REL: variants seen among roughly 807,000 people sequenced by gnomAD.
The protein encoded by REL is proto-oncogene c-Rel.
A neutral mutation model predicts 45.9 loss-of-function variants in REL; 15 were observed. The ratio of observed to expected loss-of-function variants is 0.33; its 90% CI spans 0.22 to 0.50. The LOEUF (loss-of-function observed/expected upper bound fraction) is 0.50. Ranked by LOEUF, REL falls within the 20% of genes least tolerant of loss-of-function variation. REL has a pLI of 0.98. For synonymous variants in REL, 239 were observed against 242.1 expected (o/e 0.99, Z 0.12); for missense variants, 601 against 715.2 (o/e 0.84, Z 1.82).
In REL at chr2:60,881,743, C is replaced by A; in HGVS notation, c.-98C>A. 1 of 1,150,500 alleles carries A rather than the reference C, an allele frequency of 8.7e-7. No individual in the cohort carries two copies. The highest frequency in any genetic ancestry group is 1.2e-6 in the Non-Finnish European group (1 of 810,562). 71.3% of individuals were successfully genotyped at this position (1,150,500 alleles called of 1,614,324 possible). ...AGGGTGGTCGGGGGACTGGGGGCCC[C>A]GCCGGCAGAGGTCCCTCGGCCTCCT... On this transcript the variant is annotated 5_prime_UTR_variant, in exon 1 of 10. Coordinates refer to ENST00000394479, the MANE Select transcript of REL (RefSeq NM_001291746.2).
chr2:60,882,140 G>C (rs1430697856), intron 1 of REL, among the ~76,000 whole-genome samples: 1 of 152,188 alleles, frequency 6.6e-6, no homozygotes, highest in African/African-American at 2.4e-5. Flanking sequence ...GGAGGACGAA[G>C]AGTTCTCATT....
intron 4 of REL, among the ~76,000 whole-genome samples, chr2:60,909,543 C>T (rs1033421244): frequency 2.6e-5 from 4 of 151,866 alleles, no homozygotes; most frequent in Non-Finnish European, 5.9e-5. Context: ...CCTCCTGCCT[C>T]GGTTTCCAAA....
Position 60,918,224 on chromosome 2 carries a change from G to T in REL, c.569G>T (p.Arg190Leu). ...APNTAELRIC[R>L]VNKNCGSVRG... ...AATACTGCAGAATTAAGGATTTGTC[G>T]TGTAAACAAGAATTGTGGAAGTGTC... The change falls in exon 6 of 10, where the codon CGT (arginine) becomes CTT (leucine). Residue 190 changes from arginine to leucine, a missense_variant. Transcript: ENST00000394479. The T allele has an allele frequency of 6.2e-7, 1 of 1,609,318 alleles. No individual in the cohort carries two copies. Among genetic ancestry groups the T allele is most frequent in the Non-Finnish European group, 8.5e-7 (1 of 1,177,404 alleles).
chr2:60,921,811 G>A lies in REL; in HGVS notation c.1040G>A (p.Gly347Glu), dbSNP rs760102706. Reference sequence around the variant, plus strand: ...GCAGTTGTGAGAGAAATGCCTACAGGGGTTTCAAGTCAAGCAGAATCCTAC... The same window carrying A: ...GCAGTTGTGAGAGAAATGCCTACAGAGGTTTCAAGTCAAGCAGAATCCTAC... Reference protein sequence around the residue: ...HDAVVREMPTGVSSQAESYYP... With the variant: ...HDAVVREMPTEVSSQAESYYP... Residue 347 changes from glycine (G) to glutamate (E), a missense_variant, in exon 10 of 10, where the codon GGG becomes GAG. Transcript: ENST00000394479. 7 of 1,613,938 alleles carry A rather than the reference G, an allele frequency of 4.3e-6. No individual in the cohort carries two copies. The Admixed American group carries it at 6.7e-5, about 15-fold the overall frequency.
chr2:60,905,340 C>G (rs561969372), intron 4 of REL, among the ~76,000 whole-genome samples: 1 of 152,048 alleles, frequency 6.6e-6, no homozygotes, highest in Admixed American at 6.5e-5. Flanking sequence ...GTGATCCGCC[C>G]GCCTCAGCCT....
Position 60,922,181 on chromosome 2 carries a change from C to T in REL, c.1410C>T (p.Ser470=), listed in dbSNP as rs1375377665. The part of the protein sequence containing the change: ...SNCSVNMMTT[S]SDSMGETDNP... The stretch of plus-strand genomic sequence containing the variant: ...GTTCTGTGAATATGATGACAACCAG[C>T]AGTGACAGCATGGGAGAGACTGATA... The change falls in exon 10 of 10, where the codon AGC becomes AGT. Residue 470 remains serine (S), a synonymous_variant. Coordinates refer to ENST00000394479, the MANE Select transcript of REL (RefSeq NM_001291746.2). 1.9e-6 allele frequency: 3 copies of T among 1,613,920 alleles called. No homozygotes were observed. In the East Asian group the frequency reaches 6.7e-5, roughly 36 times the overall value.
intron 4 of REL, among the ~76,000 whole-genome samples, chr2:60,903,602 C>T (rs371873141): frequency 2.6e-5 from 4 of 152,104 alleles, no homozygotes; most frequent in East Asian, 1.9e-4. Flanking sequence ...GTCACAATCT[C>T]GACTTGCTGC....
Position 60,925,386 on chromosome 2 carries a change from GA to G in REL, c.*2860del, listed in dbSNP as rs1553397029. The stretch of plus-strand genomic sequence containing the variant: ...ACTTGGGCTCAGGATGGTTCAGGAA[GA>G]AAAAAAAAGAAAGACCCCTGAGTAC... On this transcript the variant is annotated 3_prime_UTR_variant, in exon 10 of 10. Coordinates refer to ENST00000394479, the MANE Select transcript of REL (RefSeq NM_001291746.2). 1.1e-4 allele frequency: 20 copies of G among 185,294 alleles called. No individual in the cohort carries two copies. Among genetic ancestry groups the G allele is most frequent in the East Asian group, 3.4e-4 (4 of 11,830 alleles). The allele number at this position is 185,294 out of a possible 1,614,324, so 11.5% of individuals were successfully genotyped here. A position where few individuals can be genotyped will look rare whatever the true frequency, so the allele number is the denominator to read the frequency against.
chr2:60,904,067 A>G (rs1211535208), intron 4 of REL, among the ~76,000 whole-genome samples: 1 of 152,158 alleles, frequency 6.6e-6, no homozygotes, highest in Non-Finnish European at 1.5e-5. Context: ...TCCTTATAAC[A>G]GCCTACGAAA....
In REL at chr2:60,931,033, C is replaced by T. The variant is rs1018319869; in HGVS notation, c.*8498C>T. ...CATTTTTCCTCTTAAACTTTATTAT[C>T]TAATCAAACATAGTTTTCCATAAGA... is the stretch of plus-strand genomic sequence containing the variant. On this transcript the variant is annotated 3_prime_UTR_variant, in exon 10 of 10. Coordinates refer to ENST00000394479, the MANE Select transcript of REL (RefSeq NM_001291746.2). 1 of 152,400 alleles carries T rather than the reference C, an allele frequency of 6.6e-6. No individual in the cohort carries two copies. Among genetic ancestry groups the T allele is most frequent in the Middle Eastern group, 3.4e-3 (1 of 294 alleles). 9.4% of individuals were successfully genotyped at this position (152,400 alleles called of 1,614,324 possible).
At chr2:60,891,034 T>TC (rs1307504494) in intron 1 of REL, among the ~76,000 whole-genome samples, 1 of 152,214 alleles carries the variant, frequency 6.6e-6, no homozygotes. Context: ...TACTTTTTTT[T>TC]CTCTATTATG....
In REL at chr2:60,926,424, C is replaced by T. The variant is rs1674268825; in HGVS notation, c.*3889C>T. ...GCGGAGACTGCCCGCCTTGTCAAAT[C>T]TAGTGTCTTTTTTTCAGTCCTCACA... On this transcript the variant is annotated 3_prime_UTR_variant, in exon 10 of 10. Coordinates refer to ENST00000394479, the MANE Select transcript of REL (RefSeq NM_001291746.2). 4.3e-6 allele frequency: 1 copy of T among 232,006 alleles called. No homozygotes were observed. Among genetic ancestry groups the T allele is most frequent in the Admixed American group, 5.6e-5 (1 of 17,736 alleles). 14.4% of individuals were successfully genotyped at this position (232,006 alleles called of 1,614,324 possible).
At chr2:60,882,473 G>C (rs1672965664) in intron 1 of REL, among the ~76,000 whole-genome samples, 2 of 152,120 alleles carry the variant, frequency 1.3e-5, no homozygotes, top group Admixed American at 6.5e-5. Flanking sequence ...TCAGGAGTTT[G>C]AGACCAGCCT....
Position 60,920,592 on chromosome 2 carries a change from C to T in REL, c.941C>T (p.Pro314Leu). The T allele has an allele frequency of 6.2e-7, 1 of 1,601,928 alleles. No individual in the cohort carries two copies. The change falls in exon 9 of 10, where the codon CCA becomes CTA. Residue 314 changes from proline to leucine, a missense_variant. Pro to Leu is a moderately conservative substitution (Grantham distance 98). This residue lies in a region of REL where 334 missense variants were observed against 333.1 expected (regional missense o/e 1.00). Coordinates refer to ENST00000394479, the MANE Select transcript of REL (RefSeq NM_001291746.2). ...CQDHVNFPER[P>L]RPGLLGSIGE... ...CTAACAGTTAATTTTCCTGAGAGAC[C>T]AAGACCTGGTCTCCTCGGTTCAATT...
chr2:60,926,203 T>G lies in REL; in HGVS notation c.*3668T>G, dbSNP rs569077410. The G allele has an allele frequency of 4.3e-6, 1 of 230,916 alleles. No individual in the cohort carries two copies. The highest frequency in any genetic ancestry group is 1.8e-4 in the South Asian group (1 of 5,512). 14.3% of individuals were successfully genotyped at this position (230,916 alleles called of 1,614,324 possible). Reference sequence around the variant, plus strand: ...ATCACCACTTAGTGATTCCTTTCTTTGTATAAACATGGTAAATGTCTTCAT... The same window carrying G: ...ATCACCACTTAGTGATTCCTTTCTTGGTATAAACATGGTAAATGTCTTCAT... On this transcript the variant is annotated 3_prime_UTR_variant, in exon 10 of 10. Coordinates refer to ENST00000394479, the MANE Select transcript of REL (RefSeq NM_001291746.2).
chr2:60,906,907 A>AT (rs1232607239), intron 4 of REL, among the ~76,000 whole-genome samples: 177 of 96,400 alleles, frequency 1.8e-3, no homozygotes, highest in South Asian at 4.5e-3. Flanking sequence ...ATATATATAT[A>AT]TATATATTTT....
chr2:60,906,881 ATG>A (rs1314554009), intron 4 of REL, among the ~76,000 whole-genome samples: 5 of 124,124 alleles, frequency 4.0e-5, no homozygotes, highest in Admixed American at 8.3e-5. Flanking sequence ...GCGTGTGTGT[ATG>A]TGTGTGTGTG....
intron 3 of REL, among the ~76,000 whole-genome samples, chr2:60,897,370 C>T (rs761388580): frequency 4.7e-5 from 7 of 149,684 alleles, no homozygotes; most frequent in Non-Finnish European, 1.0e-4. Flanking sequence ...TGCGGTGGTG[C>T]GATCTCACCT....
chr2:60,898,131 T>G (rs1172169061), intron 3 of REL, among the ~76,000 whole-genome samples: 1 of 152,212 alleles, frequency 6.6e-6, no homozygotes, highest in African/African-American at 2.4e-5. Context: ...TAGCCTAAAC[T>G]GGGGCTGCTG....
Sources: allele counts gnomAD v4.1 joint callset (sites outside exome capture counted in the v4.1 genomes callset), GRCh38; gene constraint gnomAD v4.1.1; regional missense constraint gnomAD v4.1.1; transcripts MANE v1.5; gene names NCBI Gene and HGNC (gene_info 2026-07-23, HGNC 2026-07-21).